The following CNGA4 variants were observed in gnomAD, a reference collection of about 807,000 sequenced individuals.
The protein encoded by CNGA4 is cyclic nucleotide gated channel subunit alpha 4.
In CNGA4, 32 loss-of-function variants were observed where a neutral mutation model predicts 45.6. The ratio of observed to expected loss-of-function variants is 0.70; its 90% confidence interval spans 0.53 to 0.94. The LOEUF is 0.94. CNGA4 is among the 40% of genes least tolerant of loss of function. CNGA4 has a pLI of 0.00. For missense variants in CNGA4, 726 were observed against 755.1 expected (o/e 0.96, Z 0.45); for synonymous variants, 293 against 304.6 (o/e 0.96, Z 0.40).
upstream of CNGA4, among the ~76,000 whole-genome samples, chr11:6,236,883 C>T (rs573514566): frequency 2.0e-5 from 3 of 152,336 alleles, no homozygotes; most frequent in African/African-American, 7.2e-5. Context: ...AATGGCTTGT[C>T]TCTATTCCAT....
chr11:6,239,010 T>C, upstream of CNGA4: 2 of 1,428,474 alleles, frequency 1.4e-6, no homozygotes, highest in Non-Finnish European at 1.8e-6. Context: ...GGCAGAGTGC[T>C]AGAGCTAGAC....
intron 2 of CNGA4, 47 bp from the exon 3 acceptor site, chr11:6,239,637 A>G (rs781760773): frequency 4.4e-6 from 7 of 1,597,334 alleles, no homozygotes; most frequent in Non-Finnish European, 6.0e-6. Flanking sequence ...GACGCCTCGC[A>G]CACAGAGGGT....
chr11:6,244,493 T>C (rs1444951389), downstream of CNGA4: 1 of 1,310,348 alleles, frequency 7.6e-7, no homozygotes, highest in Admixed American at 2.3e-5. The surrounding 1 kb of genome is among the most constrained non-coding windows in gnomAD (Gnocchi z 4.5). Context: ...TGTCATCCTG[T>C]CTGCGAGATC....
In CNGA4 at chr11:6,240,405, C is replaced by T. The variant is rs1437010296; in HGVS notation, c.611C>T (p.Pro204Leu). Residue 204 changes from proline to leucine, a missense_variant, in exon 4 of 6, where the codon CCG (proline) becomes CTG (leucine). Coordinates refer to ENST00000379936, the MANE Select transcript of CNGA4 (RefSeq NM_001037329.4). This position sits in a 1 kb window ranked among gnomAD's most constrained non-coding sequence, Gnocchi z 4.9. The stretch of plus-strand genomic sequence containing the variant: ...TTCGGGCGTGACGCATGGGTGTACC[C>T]GGACCCCGCGCAGCCTGGCTTTGAG... ...LGFGRDAWVY[P>L]DPAQPGFERL... The T allele has an allele frequency of 3.1e-6, 5 of 1,614,192 alleles. No individual in the cohort carries two copies. The South Asian group carries it at 3.3e-5, about 11-fold the overall frequency.
chr11:6,241,168 G>A (rs1464250032), intron 4 of CNGA4, among the ~76,000 whole-genome samples: 3 of 152,226 alleles, frequency 2.0e-5, no homozygotes, highest in African/African-American at 7.2e-5. Flanking sequence ...CTTGGTGGCT[G>A]AGGTAGCTAA....
rs1271984606 is a variant in CNGA4, at chr11:6,244,347, G to A, written c.1666G>A (p.Glu556Lys). The change falls in exon 6 of 6, where the codon GAG becomes AAG. Residue 556 changes from glutamate to lysine, a missense_variant. Transcript: ENST00000379936. The surrounding 1 kb of genome is among the most constrained non-coding windows in gnomAD (Gnocchi z 4.5). ...GGCTGATGACGAGGGTGAGCCTGAGGAGGGAACTTCCAAAGATGAAGAGGG... is the reference window on the plus strand; with the variant it reads ...GGCTGATGACGAGGGTGAGCCTGAGAAGGGAACTTCCAAAGATGAAGAGGG... ...AEADDEGEPE[E>K]GTSKDEEGRA... 1 of 1,614,104 alleles carries A rather than the reference G, an allele frequency of 6.2e-7. No homozygotes were observed.
chr11:6,239,829 C>G (rs1345962955), intron 3 of CNGA4, 39 bp downstream of exon 3: 2 of 1,578,160 alleles, frequency 1.3e-6, no homozygotes, highest in South Asian at 2.3e-5. Context: ...GTCCCACATT[C>G]CCTTCCTAAA....
downstream of CNGA4, among the ~76,000 whole-genome samples, chr11:6,244,912 A>G (rs1011023642): frequency 6.6e-6 from 1 of 152,200 alleles, no homozygotes; most frequent in African/African-American, 2.4e-5. The surrounding 1 kb of genome is among the most constrained non-coding windows in gnomAD (Gnocchi z 4.5). Context: ...AATGTTTCCC[A>G]TATGGGCGAT....
In CNGA4 at chr11:6,240,067, A is replaced by G. The variant is rs895441319; in HGVS notation, c.273A>G (p.Gly91=). 5 of 1,603,316 alleles carry G rather than the reference A, an allele frequency of 3.1e-6. No individual in the cohort carries two copies. The African/African-American group carries it at 6.7e-5, about 21-fold the overall frequency. ...LLDMVVRFHT[G]FLEQGILVVD... is the part of the protein sequence containing the mutation. The stretch of plus-strand genomic sequence containing the variant: ...TTCCTACCGGCTCCCTCTCCCCAGG[A>G]TTCTTGGAACAGGGCATCCTGGTGG... The change falls in exon 4 of 6, where the codon GGA becomes GGG. Residue 91 remains glycine (G), a splice_region_variant and synonymous_variant. Transcript: ENST00000379936. This position sits in a 1 kb window ranked among gnomAD's most constrained non-coding sequence, Gnocchi z 4.9.
upstream of CNGA4, chr11:6,239,046 G>T (rs1847871449): frequency 3.4e-6 from 5 of 1,490,266 alleles, no homozygotes; most frequent in East Asian, 1.2e-4. Flanking sequence ...AGTAGCGCTA[G>T]CTCTGGTTGT....
In CNGA4 at chr11:6,239,697, G is replaced by A. The variant is rs370277883; in HGVS notation, c.178G>A (p.Asp60Asn). 35 of 1,613,996 alleles carry A rather than the reference G, an allele frequency of 2.2e-5. No homozygotes were observed. The highest frequency in any genetic ancestry group is 2.8e-5 in the Non-Finnish European group (33 of 1,179,946). Reference protein sequence around the residue: ...IILVCRACFPDLQHGYLVAWL... With the variant: ...IILVCRACFPNLQHGYLVAWL... ...CCTGCCCTGCAGAGCCTGCTTCCCC[G>A]ACTTGCAGCACGGTTATCTGGTGGC... Residue 60 changes from aspartate to asparagine, a missense_variant, in exon 3 of 6, where the codon GAC (aspartate) becomes AAC (asparagine). Physicochemically the swap from Asp to Asn is conservative, Grantham distance 23. Transcript: ENST00000379936.
upstream of CNGA4, among the ~76,000 whole-genome samples, chr11:6,236,284 G>A (rs975403450): frequency 8.5e-5 from 13 of 152,222 alleles, no homozygotes. Flanking sequence ...TGAAGACATG[G>A]ACTGGAGAAC....
chr11:6,235,428 A>G, upstream of CNGA4: 1 of 968,610 alleles, frequency 1.0e-6, no homozygotes, highest in Non-Finnish European at 1.2e-6. Context: ...ACCTCAGAGA[A>G]TTGCAGCGTA....
intron 5 of CNGA4, among the ~76,000 whole-genome samples, chr11:6,242,954 T>G (rs1027271519): frequency 6.6e-6 from 1 of 152,206 alleles, no homozygotes; most frequent in Admixed American, 6.5e-5. Flanking sequence ...CCTACTGCCC[T>G]CAGCATAAGG....
rs111379180 is a variant in CNGA4, at chr11:6,239,186, C to T, written c.-21C>T. 1.2e-5 allele frequency: 20 copies of T among 1,612,770 alleles called. No homozygotes were observed. The highest frequency in any genetic ancestry group is 2.0e-4 in the Middle Eastern group (1 of 5,040). ...AGAGAGGGTGTGGACATCTCACACC[C>T]CAGCACCAGACCACAGAACCATGAG... On this transcript the variant is annotated 5_prime_UTR_variant, in exon 1 of 6. Transcript: ENST00000379936.
upstream of CNGA4, among the ~76,000 whole-genome samples, chr11:6,235,709 G>A (rs1374907290): frequency 1.3e-5 from 2 of 152,222 alleles, no homozygotes; most frequent in Non-Finnish European, 2.9e-5. Context: ...GAGAGGCCGA[G>A]GCGGGCGGAT....
In CNGA4 at chr11:6,244,466, C is replaced by G; in HGVS notation, c.*57C>G. ...TAGTGAATCCAGAGTTGTAGTAAAG[C>G]CTAACTGCTGCAACTCTGTCATCCT... On this transcript the variant is annotated 3_prime_UTR_variant, in exon 6 of 6. Transcript: ENST00000379936. The surrounding 1 kb of genome is among the most constrained non-coding windows in gnomAD (Gnocchi z 4.5). 3 of 1,471,090 alleles carry G rather than the reference C, an allele frequency of 2.0e-6. No homozygotes were observed. The highest frequency in any genetic ancestry group is 1.8e-6 in the Non-Finnish European group (2 of 1,084,028). The allele number at this position is 1,471,090 out of a possible 1,614,324, so 91.1% of individuals were successfully genotyped here.
chr11:6,237,117 C>T (rs1360947531), upstream of CNGA4, among the ~76,000 whole-genome samples: 5 of 152,164 alleles, frequency 3.3e-5, no homozygotes, highest in Non-Finnish European at 7.3e-5. Flanking sequence ...ACACGCATTC[C>T]AAGAGAACCA....
downstream of CNGA4, among the ~76,000 whole-genome samples, chr11:6,244,616 ACACACACACACAC>A (rs1285342215): frequency 2.5e-4 from 32 of 129,090 alleles, no homozygotes; most frequent in East Asian, 2.6e-3. This position sits in a 1 kb window ranked among gnomAD's most constrained non-coding sequence, Gnocchi z 4.5. Context: ...ACACACACAC[ACACACACACACAC>A]ATTTGCTCAT....
Sources: allele counts gnomAD v4.1 joint callset (sites outside exome capture counted in the v4.1 genomes callset), GRCh38; gene constraint gnomAD v4.1.1; non-coding constraint Gnocchi (gnomAD v3.1); transcripts MANE v1.5; gene names NCBI Gene and HGNC (gene_info 2026-07-23, HGNC 2026-07-21).